SLC1A2: variants seen among roughly 807,000 people sequenced by gnomAD.
The protein encoded by SLC1A2 is solute carrier family 1 member 2.
SLC1A2 carries 15 observed loss-of-function variants against 48.8 expected under a neutral mutation model. That is an observed-to-expected ratio of 0.31 (90% CI 0.21 to 0.47). SLC1A2 has a LOEUF of 0.47. Among genes scored for constraint, SLC1A2 ranks in the 20% least tolerant of loss-of-function variants. The probability of loss-of-function intolerance (pLI) is 0.99; values close to 1 mark genes in which losing one functional copy is unlikely to be tolerated. For synonymous variants in SLC1A2, 279 were observed against 272.6 expected (o/e 1.02, Z -0.23); for missense variants, 502 against 730.5 (o/e 0.69, Z 3.61).
Position 35,379,018 on chromosome 11 carries a change from C to T in SLC1A2, c.17+39932G>A, listed in dbSNP as rs187225929. Among the ~76,000 whole-genome samples the T allele has an allele frequency of 4.4e-4, 67 of 152,248 alleles. 1 individual carries two copies. The Middle Eastern group carries it at 0.01, about 23-fold the overall frequency. On this transcript the variant is annotated intron_variant, in intron 1 of 10. Transcript: ENST00000278379. ...CCGAGGGGGATGGATCACCTGAGGT[C>T]AGGAGTTCGAGACCAGCCTGGCCAA...
At chr11:35,358,064 A>G (rs1853546253) in intron 1 of SLC1A2, among the ~76,000 whole-genome samples, 1 of 152,056 alleles carries the variant, frequency 6.6e-6, no homozygotes, top group African/African-American at 2.4e-5. Context: ...AGAATCGCTC[A>G]AACCCAAGAG....
intron 1 of SLC1A2, among the ~76,000 whole-genome samples, chr11:35,395,650 T>C (rs931935624): frequency 1.3e-5 from 2 of 151,406 alleles, no homozygotes; most frequent in African/African-American, 4.9e-5. Flanking sequence ...ACGGACTGAA[T>C]GTTTGTGTCC....
intron 1 of SLC1A2, among the ~76,000 whole-genome samples, chr11:35,362,097 G>A (rs1323280072): frequency 1.3e-5 from 2 of 152,230 alleles, no homozygotes; most frequent in Non-Finnish European, 2.9e-5. Context: ...GTTCTCACCT[G>A]GTATAGGCAA....
At chr11:35,367,513 C>A (rs1274119485) in intron 1 of SLC1A2, among the ~76,000 whole-genome samples, 1 of 151,726 alleles carries the variant, frequency 6.6e-6, no homozygotes, top group Non-Finnish European at 1.5e-5. Flanking sequence ...CCTGCTTTAC[C>A]CATCAGCCTT....
chr11:35,414,359 AC>A (rs1855548916), intron 1 of SLC1A2, among the ~76,000 whole-genome samples: 1 of 152,198 alleles, frequency 6.6e-6, no homozygotes, highest in Non-Finnish European at 1.5e-5. Context: ...TTTAAAGCCA[AC>A]CAGACAGATT....
Position 35,376,249 on chromosome 11 carries a change from C to G in SLC1A2, c.17+42701G>C, listed in dbSNP as rs181572718. Among the ~76,000 whole-genome samples the G allele has an allele frequency of 9.3e-5, 14 of 151,230 alleles. No homozygotes were observed. The East Asian group carries it at 2.3e-3, about 25-fold the overall frequency. On this transcript the variant is annotated intron_variant, in intron 1 of 10. Coordinates refer to ENST00000278379, the MANE Select transcript of SLC1A2 (RefSeq NM_004171.4). ...AGATCATGAAAAGACATGGAAAGAC[C>G]GAGGAACTATCTCAGATGGGAGGAA...
intron 1 of SLC1A2, among the ~76,000 whole-genome samples, chr11:35,346,106 G>A (rs577045861): frequency 5.9e-5 from 9 of 152,036 alleles, no homozygotes; most frequent in East Asian, 1.9e-4. Context: ...TGTGCAGAAC[G>A]TGTAGGTCTG....
Position 35,347,161 on chromosome 11 carries a change from C to T in SLC1A2, c.18-29645G>A, listed in dbSNP as rs545487778. ...GGGATAAGAGTTTAACCCTGCAAAA[C>T]AGCCACTTCTGAGGGGTATGAGGAG... is the stretch of plus-strand genomic sequence containing the variant. On this transcript the variant is annotated intron_variant, in intron 1 of 10. Coordinates refer to ENST00000278379, the MANE Select transcript of SLC1A2 (RefSeq NM_004171.4). Among the ~76,000 whole-genome samples the T allele has an allele frequency of 5.3e-5, 8 of 152,304 alleles. No homozygotes were observed. The South Asian group carries it at 1.0e-3, about 20-fold the overall frequency.
At chr11:35,405,545 G>C (rs934513411) in intron 1 of SLC1A2, among the ~76,000 whole-genome samples, 4 of 152,066 alleles carry the variant, frequency 2.6e-5, no homozygotes, top group African/African-American at 9.7e-5. Flanking sequence ...ACAATGGAAA[G>C]GAATAGACAG....
Position 35,257,938 on chromosome 11 carries a change from T to C in SLC1A2, c.*2956A>G, listed in dbSNP as rs1340274082. ...AGACTATTACAAGCATTCATATATA[T>C]GTTGAACCAATTAGGATAAATCTAT... On this transcript the variant is annotated 3_prime_UTR_variant, in exon 11 of 11. Transcript: ENST00000278379. 6.6e-6 allele frequency: 1 copy of C among 152,236 alleles called. No individual in the cohort carries two copies. The highest frequency in any genetic ancestry group is 1.5e-5 in the Non-Finnish European group (1 of 68,040). The allele number at this position is 152,236 out of a possible 1,614,324, so 9.4% of individuals were successfully genotyped here. A position where few individuals can be genotyped will look rare whatever the true frequency, so the allele number is the denominator to read the frequency against.
rs147908326 is a variant in SLC1A2 at position 35,340,325 on chromosome 11, C to T, written c.18-22809G>A. On this transcript the variant is annotated intron_variant, in intron 1 of 10. Transcript: ENST00000278379. ...CACTGCTGGAGCCAGGGCAGGGCAA[C>T]GCTGGCACAGAGATAAAAGGGCTGT... Among the ~76,000 whole-genome samples, 288 of 152,332 alleles carry T rather than the reference C, an allele frequency of 1.9e-3. 4 individuals are homozygous for T. Among genetic ancestry groups the T allele is most frequent in the Middle Eastern group, 0.014 (4 of 294 alleles).
In SLC1A2 at chr11:35,361,973, C is replaced by T. The variant is rs367600477; in HGVS notation, c.18-44457G>A. Among the ~76,000 whole-genome samples the T allele has an allele frequency of 1.2e-3, 176 of 152,330 alleles. 1 individual carries two copies. The highest frequency in any genetic ancestry group is 4.0e-3 in the African/African-American group (165 of 41,568). ...CCTAGGTGATAGACACAGTGAGACC[C>T]TGTCTCAAAAATAAATAAATAATTA... is the stretch of plus-strand genomic sequence containing the variant. On this transcript the variant is annotated intron_variant, in intron 1 of 10. Coordinates refer to ENST00000278379, the MANE Select transcript of SLC1A2 (RefSeq NM_004171.4).
chr11:35,262,727 C>T (rs572628109), intron 10 of SLC1A2, among the ~76,000 whole-genome samples: 1 of 152,348 alleles, frequency 6.6e-6, no homozygotes, highest in East Asian at 1.9e-4. Flanking sequence ...CTTTACCTAG[C>T]AAAGGCTGAG....
chr11:35,340,683 G>T (rs1296415669), intron 1 of SLC1A2, among the ~76,000 whole-genome samples: 38 of 152,196 alleles, frequency 2.5e-4, no homozygotes, highest in Admixed American at 2.4e-3. Flanking sequence ...GAAGCAATCA[G>T]TATTGGCCTG....
intron 9 of SLC1A2, among the ~76,000 whole-genome samples, chr11:35,266,561 C>A (rs1950488249): frequency 6.6e-6 from 1 of 152,058 alleles, no homozygotes; most frequent in Non-Finnish European, 1.5e-5. Flanking sequence ...AAATTCAGTG[C>A]CAGGAAAGCT....
intron 1 of SLC1A2, among the ~76,000 whole-genome samples, chr11:35,401,635 A>G (rs1301506582): frequency 6.6e-6 from 1 of 152,098 alleles, no homozygotes; most frequent in Non-Finnish European, 1.5e-5. Flanking sequence ...TTTGGTTTAC[A>G]CGTCCTAGCT....
chr11:35,368,362 C>A (rs1853932787), intron 1 of SLC1A2, among the ~76,000 whole-genome samples: 1 of 152,196 alleles, frequency 6.6e-6, no homozygotes, highest in African/African-American at 2.4e-5. Context: ...AGTCACTAAA[C>A]CTCCCTGAGC....
At chr11:35,354,610 T>C (rs1033498353) in intron 1 of SLC1A2, among the ~76,000 whole-genome samples, 13 of 152,240 alleles carry the variant, frequency 8.5e-5, no homozygotes, top group African/African-American at 3.1e-4. Context: ...ACATTTTTGG[T>C]TTTGCTGCAA....
chr11:35,390,500 T>A (rs377049686), intron 1 of SLC1A2, among the ~76,000 whole-genome samples: 1 of 152,176 alleles, frequency 6.6e-6, no homozygotes, highest in African/African-American at 2.4e-5. Flanking sequence ...CCACTCGAAA[T>A]GTGACCAGTG....
Sources: gnomAD v4.1 joint callset for allele counts (sites outside exome capture counted in the v4.1 genomes callset) on GRCh38, gnomAD v4.1.1 for gene constraint, MANE v1.5 for transcripts, NCBI Gene and HGNC (gene_info 2026-07-23, HGNC 2026-07-21) for gene names.